Variants in MACROD2 observed in about 807,000 individuals in gnomAD.
MACROD2 encodes ADP-ribose glycohydrolase MACROD2.
MACROD2 carries 36 observed loss-of-function variants against 70.4 expected under a neutral mutation model. That is an observed-to-expected ratio of 0.51 (90% CI 0.39 to 0.68). MACROD2 has a LOEUF of 0.68. MACROD2 is among the 30% of genes least tolerant of loss of function. The pLI is 0.00. For synonymous variants in MACROD2, 172 were observed against 178.8 expected (o/e 0.96, Z 0.30); for missense variants, 496 against 538.4 (o/e 0.92, Z 0.78).
At chr20:16,014,833 A>G in intron 15 of MACROD2, among the ~76,000 whole-genome samples, 1 of 152,144 alleles carries the variant, frequency 6.6e-6, no homozygotes, top group Non-Finnish European at 1.5e-5. Context: ...AAGTTCCTTG[A>G]CTTGTGCACC....
chr20:14,583,907 AG>A (rs1369836618), intron 4 of MACROD2, among the ~76,000 whole-genome samples: 1 of 152,112 alleles, frequency 6.6e-6, no homozygotes, highest in Non-Finnish European at 1.5e-5. Context: ...TATCTTCCTG[AG>A]GCAGTTACCA....
intron 3 of MACROD2, among the ~76,000 whole-genome samples, chr20:14,111,576 G>T (rs1302946372): frequency 6.6e-6 from 1 of 151,896 alleles, no homozygotes; most frequent in Non-Finnish European, 1.5e-5. Flanking sequence ...CTCAAAAGAG[G>T]ACACACAAAT....
rs117585939 is a variant in MACROD2, at chr20:15,575,974, A to C, written c.645+76127A>C. 4.6e-4 allele frequency among the ~76,000 whole-genome samples: 70 copies of C among 152,304 alleles called. No homozygotes were observed. The East Asian group carries it at 0.013, about 28-fold the overall frequency. On this transcript the variant is annotated intron_variant, in intron 8 of 17. Transcript: ENST00000684519. The stretch of plus-strand genomic sequence containing the variant: ...CTCTATCTTTACTTTTAAAATAATA[A>C]TTTTGTTCACTTATGGTTTCATCCA...
At chr20:15,132,177 A>C (rs1284377240) in intron 5 of MACROD2, among the ~76,000 whole-genome samples, 1 of 152,098 alleles carries the variant, frequency 6.6e-6, no homozygotes, top group South Asian at 2.1e-4. Flanking sequence ...CTATAATTGT[A>C]TAAATCTTTA....
chr20:15,751,433 A>T (rs750809663), intron 8 of MACROD2, among the ~76,000 whole-genome samples: 1 of 151,962 alleles, frequency 6.6e-6, no homozygotes, highest in Non-Finnish European at 1.5e-5. Context: ...TATGCACTGA[A>T]CTAACTCTTT....
intron 5 of MACROD2, among the ~76,000 whole-genome samples, chr20:14,711,141 A>G (rs945978720): frequency 4.6e-5 from 7 of 152,184 alleles, no homozygotes; most frequent in Admixed American, 4.6e-4. Context: ...AGATTGAGAA[A>G]GTTGCTCAGA....
intron 5 of MACROD2, among the ~76,000 whole-genome samples, chr20:14,751,512 A>AC (rs1399839068): frequency 6.6e-6 from 1 of 152,110 alleles, no homozygotes; most frequent in Non-Finnish European, 1.5e-5. Flanking sequence ...CTAGTTTTCT[A>AC]TTGTCCAGAT....
At chr20:14,191,737 AAG>A (rs2081389891) in intron 3 of MACROD2, among the ~76,000 whole-genome samples, 1 of 152,226 alleles carries the variant, frequency 6.6e-6, no homozygotes, top group Admixed American at 6.5e-5. Context: ...AGGGAACTGC[AAG>A]TACAAAGTCT....
At chr20:14,566,858 A>C (rs1338448665) in intron 4 of MACROD2, 1 of 151,880 alleles carries the variant, frequency 6.6e-6, no homozygotes, top group Non-Finnish European at 1.5e-5. Flanking sequence ...GAACATAGGA[A>C]TTCTAATAGT....
At chr20:14,596,341 C>T (rs1211197941) in intron 4 of MACROD2, among the ~76,000 whole-genome samples, 1 of 150,932 alleles carries the variant, frequency 6.6e-6, no homozygotes, top group Admixed American at 6.6e-5. Flanking sequence ...CCTCCCGCCT[C>T]GGCCTCCCAA....
At chr20:14,332,072 C>T (rs2082852692) in intron 3 of MACROD2, among the ~76,000 whole-genome samples, 1 of 152,058 alleles carries the variant, frequency 6.6e-6, no homozygotes, top group African/African-American at 2.4e-5. Context: ...TTAATGGAAT[C>T]ATTATTTAAC....
intron 4 of MACROD2, among the ~76,000 whole-genome samples, chr20:14,556,546 G>T (rs1031572172): frequency 6.6e-6 from 1 of 152,018 alleles, no homozygotes; most frequent in Non-Finnish European, 1.5e-5. Context: ...ATTTTTGGCA[G>T]TATCTGCCAA....
At chr20:15,020,932 T>C (rs981307873) in intron 5 of MACROD2, among the ~76,000 whole-genome samples, 1 of 150,396 alleles carries the variant, frequency 6.6e-6, no homozygotes, top group African/African-American at 2.4e-5. Flanking sequence ...TACACATATA[T>C]ATGTATACAT....
intron 15 of MACROD2, among the ~76,000 whole-genome samples, chr20:16,035,473 T>A (rs808944): frequency 0.74 from 112,320 of 151,714 alleles, 43,319 homozygotes; most frequent in Non-Finnish European, 0.84. Flanking sequence ...TTATGTACAC[T>A]CACCATTTGT....
chr20:14,448,425 C>G (rs1331656007), intron 3 of MACROD2, among the ~76,000 whole-genome samples: 1 of 151,804 alleles, frequency 6.6e-6, no homozygotes, highest in East Asian at 1.9e-4. Context: ...GCCTGTAATC[C>G]CAGCACTTTG....
intron 4 of MACROD2, among the ~76,000 whole-genome samples, chr20:14,666,083 TGAGGCA>T (rs2070734044): frequency 6.6e-6 from 1 of 152,144 alleles, no homozygotes; most frequent in African/African-American, 2.4e-5. Flanking sequence ...CCATGGCCCG[TGAGGCA>T]TGGTTTTATG....
rs1197569991 is a variant in MACROD2, at chr20:15,802,444, A to G, written c.646-60301A>G. Among the ~76,000 whole-genome samples, 16 of 152,248 alleles carry G rather than the reference A, an allele frequency of 1.1e-4. No individual in the cohort carries two copies. In the East Asian group the frequency reaches 2.5e-3, roughly 24 times the overall value. ...GAATGCTTTTTCTGCATCTATTGAG[A>G]TGATCATATGGTTTCTGTCCTTCAT... On this transcript the variant is annotated intron_variant, in intron 8 of 17. Coordinates refer to ENST00000684519, the MANE Select transcript of MACROD2 (RefSeq NM_001351661.2).
chr20:14,600,327 C>CATATATAT (rs769273379), intron 4 of MACROD2, among the ~76,000 whole-genome samples: 14 of 128,752 alleles, frequency 1.1e-4, no homozygotes, highest in East Asian at 5.3e-4. Context: ...TATGCAGCTA[C>CATATATAT]ATATATATAT....
intron 4 of MACROD2, among the ~76,000 whole-genome samples, chr20:14,533,129 TA>T (rs5840622): frequency 0.48 from 73,341 of 151,972 alleles, 17,963 homozygotes; most frequent in African/African-American, 0.54. Flanking sequence ...TCAGTCTACC[TA>T]AAGCCTGGAG....
Sources: gnomAD v4.1 joint callset for allele counts (sites outside exome capture counted in the v4.1 genomes callset) on GRCh38, gnomAD v4.1.1 for gene constraint, MANE v1.5 for transcripts, NCBI Gene and HGNC (gene_info 2026-07-23, HGNC 2026-07-21) for gene names.